CUX1: variants seen among roughly 807,000 people sequenced by gnomAD.
The protein encoded by CUX1 is cut like homeobox 1.
CUX1 carries 31 observed loss-of-function variants against 158.8 expected under a neutral mutation model. That is an observed-to-expected ratio of 0.20 (90% confidence interval 0.15 to 0.26). The LOEUF (loss-of-function observed/expected upper bound fraction) is 0.26, where lower values mean the gene tolerates loss of function less well. CUX1 is among the 10% of genes least tolerant of loss of function. CUX1 has a pLI of 1.00. For synonymous variants in CUX1, 879 were observed against 862.1 expected (o/e 1.02, Z -0.34); for missense variants, 1,589 against 2,014.6 (o/e 0.79, Z 4.04).
At chr7:102,046,569 A>ATTTTGTTTTTTTTTTTTTT (rs1822832135) in intron 3 of CUX1, among the ~76,000 whole-genome samples, 1 of 55,466 alleles carries the variant, frequency 1.8e-5, no homozygotes, top group African/African-American at 8.2e-5. Flanking sequence ...TTTGGTTTGG[A>ATTTTGTTTTTTTTTTTTTT]TTTTTTTTTT....
chr7:101,984,077 C>CCAAA (rs1185648555), intron 2 of CUX1, among the ~76,000 whole-genome samples: 1 of 16,766 alleles, frequency 6.0e-5, no homozygotes, highest in African/African-American at 3.1e-4. Flanking sequence ...TGTCCCCCCC[C>CCAAA]AAAAAAAAAA....
intron 1 of CUX1, among the ~76,000 whole-genome samples, chr7:101,883,511 G>A (rs999976435): frequency 2.6e-5 from 4 of 152,134 alleles, no homozygotes; most frequent in Non-Finnish European, 5.9e-5. Flanking sequence ...GAAATACAGG[G>A]GTCGGGGGCA....
chr7:101,831,147 A>G (rs567455930), intron 1 of CUX1, among the ~76,000 whole-genome samples: 2 of 152,182 alleles, frequency 1.3e-5, no homozygotes, highest in South Asian at 4.1e-4. Flanking sequence ...GGGGTTTGGG[A>G]AGATGGACTC....
intron 1 of CUX1, among the ~76,000 whole-genome samples, chr7:101,844,057 C>T (rs1476881124): frequency 6.6e-6 from 1 of 152,160 alleles, no homozygotes; most frequent in Non-Finnish European, 1.5e-5. Flanking sequence ...AGTTCACCAG[C>T]CCTGGCCAAT....
intron 2 of CUX1, among the ~76,000 whole-genome samples, chr7:101,924,882 C>G (rs572676702): frequency 6.6e-6 from 1 of 152,098 alleles, no homozygotes; most frequent in Non-Finnish European, 1.5e-5. Context: ...GCCTTTGATG[C>G]TTTCTAAACA....
At chr7:102,080,050 A>C (rs1827191924) in intron 4 of CUX1, among the ~76,000 whole-genome samples, 1 of 152,116 alleles carries the variant, frequency 6.6e-6, no homozygotes, top group African/African-American at 2.4e-5. Flanking sequence ...AGGCTGAGGA[A>C]TTGGCCACCA....
Position 102,011,289 on chromosome 7 carries a change from G to A in CUX1, c.142-16809G>A, listed in dbSNP as rs545661377. Among the ~76,000 whole-genome samples, 216 of 151,872 alleles carry A rather than the reference G, an allele frequency of 1.4e-3. 1 individual carries two copies. Among genetic ancestry groups the A allele is most frequent in the Non-Finnish European group, 1.8e-3 (119 of 67,964 alleles). On this transcript the variant is annotated intron_variant, in intron 2 of 23. Transcript: ENST00000292535. Reference sequence around the variant, plus strand: ...AGCACTGAGAGCGCAGTGGGCGTTCGGAGGACACGTTTGGATTTTGTGATC... The same window carrying A: ...AGCACTGAGAGCGCAGTGGGCGTTCAGAGGACACGTTTGGATTTTGTGATC...
intron 3 of CUX1, among the ~76,000 whole-genome samples, chr7:102,068,852 A>G (rs1825828892): frequency 6.6e-6 from 1 of 152,174 alleles, no homozygotes; most frequent in Admixed American, 6.5e-5. Context: ...GCAAGTGTGT[A>G]GGTAAGCTAA....
upstream of CUX1, among the ~76,000 whole-genome samples, chr7:101,816,255 C>G (rs867294348): frequency 9.6e-5 from 14 of 145,190 alleles, no homozygotes; most frequent in Middle Eastern, 3.5e-3. Flanking sequence ...CCGAGTCCCT[C>G]CCGCTCCCCG....
chr7:102,201,828 A>G lies in CUX1; in HGVS notation c.2531A>G (p.Glu844Gly), dbSNP rs1347402743. The G allele has an allele frequency of 6.2e-7, 1 of 1,613,252 alleles. No individual in the cohort carries two copies. The highest frequency in any genetic ancestry group is 1.3e-5 in the African/African-American group (1 of 75,044). The change falls in exon 18 of 24, where the codon GAA (glutamate) becomes GGA (glycine). Residue 844 changes from glutamate to glycine, a missense_variant. Around this residue, in one of 8 missense-constraint regions of CUX1, gnomAD observed 337 missense variants for 409.3 expected, o/e 0.82. Transcript: ENST00000292535. This position sits in a 1 kb window ranked among gnomAD's most constrained non-coding sequence, Gnocchi z 5.0. ...GCCTCCTCCGAGGAGGCCAAGGCCG[A>G]AGAAACGGGCGGCGGGAAAGAGAAG... Reference protein sequence around the residue: ...NAASSEEAKAEETGGGKEKGS... With the variant: ...NAASSEEAKAGETGGGKEKGS...
intron 2 of CUX1, among the ~76,000 whole-genome samples, chr7:101,927,947 T>G (rs1303637956): frequency 6.6e-6 from 1 of 152,164 alleles, no homozygotes; most frequent in Non-Finnish European, 1.5e-5. Flanking sequence ...GACGGCCGCT[T>G]TGTCTGTCTG....
intron 1 of CUX1, among the ~76,000 whole-genome samples, chr7:101,891,394 T>C (rs926643824): frequency 6.6e-6 from 1 of 152,160 alleles, no homozygotes; most frequent in South Asian, 2.1e-4. Flanking sequence ...GACTTTTGTA[T>C]TTTTTCTAGA....
intron 3 of CUX1, among the ~76,000 whole-genome samples, chr7:102,029,760 TG>T (rs1294963102): frequency 6.6e-6 from 1 of 152,170 alleles, no homozygotes; most frequent in Non-Finnish European, 1.5e-5. Flanking sequence ...TGGATGGACT[TG>T]AACAGTCTTT....
intron 3 of CUX1, among the ~76,000 whole-genome samples, chr7:102,056,240 C>T (rs1443837570): frequency 2.6e-5 from 4 of 152,188 alleles, no homozygotes; most frequent in Admixed American, 2.6e-4. Context: ...GATGGCGCTA[C>T]ACAACAGATT....
chr7:101,932,709 T>C (rs1806423706), intron 2 of CUX1: 1 of 422,884 alleles, frequency 2.4e-6, no homozygotes, highest in East Asian at 7.3e-5. Context: ...CCACGAAAGG[T>C]ATTTCATACG....
intron 2 of CUX1, among the ~76,000 whole-genome samples, chr7:101,969,359 C>CAAAAAAAAAAA (rs10711703): frequency 2.1e-4 from 12 of 56,110 alleles, no homozygotes; most frequent in East Asian, 7.0e-4. Context: ...CAAAAAACAG[C>CAAAAAAAAAAA]AAAAAAAAAA....
At chr7:101,972,417 C>G (rs1039244572) in intron 2 of CUX1, among the ~76,000 whole-genome samples, 2 of 152,182 alleles carry the variant, frequency 1.3e-5, no homozygotes, top group African/African-American at 4.8e-5. Flanking sequence ...AGAGATCGAT[C>G]AGAATTTTCT....
intron 3 of CUX1, among the ~76,000 whole-genome samples, chr7:102,042,869 A>G (rs1304221907): frequency 6.6e-6 from 1 of 152,118 alleles, no homozygotes; most frequent in Non-Finnish European, 1.5e-5. Context: ...GGCTCACTGC[A>G]GCCTTGACCT....
intron 8 of CUX1, among the ~76,000 whole-genome samples, chr7:102,117,561 G>A (rs1480955458): frequency 6.6e-6 from 1 of 152,138 alleles, no homozygotes; most frequent in African/African-American, 2.4e-5. Context: ...GGGAGCCGTG[G>A]CCTTGGGGAG....
Sources: gnomAD v4.1 joint callset for allele counts (sites outside exome capture counted in the v4.1 genomes callset) on GRCh38, gnomAD v4.1.1 for gene constraint, gnomAD v4.1.1 regional missense constraint, Gnocchi (gnomAD v3.1) non-coding constraint, MANE v1.5 for transcripts, NCBI Gene and HGNC (gene_info 2026-07-23, HGNC 2026-07-21) for gene names.